Variants in MBTPS2 observed in about 807,000 individuals in gnomAD.
The protein encoded by MBTPS2 is membrane-bound transcription factor site-2 protease.
In MBTPS2, 2 loss-of-function variants were observed where a neutral mutation model predicts 35.4. The ratio of observed to expected loss-of-function variants is 0.06; its 90% CI spans 0.02 to 0.18. MBTPS2 has a LOEUF of 0.18. Ranked by LOEUF, MBTPS2 falls within the 10% of genes least tolerant of loss-of-function variation. MBTPS2 has a pLI of 1.00. For missense variants in MBTPS2, 244 were observed against 386.5 expected, an observed-to-expected ratio of 0.63 and a Z score of 3.09; for synonymous variants, 125 against 140.4, an observed-to-expected ratio of 0.89 and a Z score of 0.77.
chrX:21,842,890 C>T (rs903814697), intron 1 of MBTPS2, among the ~76,000 whole-genome samples: 2 of 111,589 alleles, frequency 1.8e-5, no homozygotes, highest in African/African-American at 3.3e-5. Context: ...TTTATAATCC[C>T]TTAAAAATGT....
intron 5 of MBTPS2, chrX:21,857,274 A>G (rs369808230): frequency 1.7e-6 from 2 of 1,211,483 alleles, no homozygotes; most frequent in Non-Finnish European, 2.2e-6. Flanking sequence ...CTGCGAAAAG[A>G]TGTTCCGGGA....
intron 5 of MBTPS2, chrX:21,856,205 C>G (rs975461440): frequency 3.4e-5 from 11 of 321,830 alleles, no homozygotes; most frequent in Non-Finnish European, 3.8e-5. Flanking sequence ...CCGACAGACG[C>G]GCCAGTTGCC....
chrX:21,845,589 G>A (rs2092907854), intron 3 of MBTPS2, among the ~76,000 whole-genome samples: 1 of 111,968 alleles, frequency 8.9e-6, no homozygotes, highest in Non-Finnish European at 1.9e-5. Context: ...TAATATTAAT[G>A]GTAAAAGAGA....
At chrX:21,848,682 A>C in intron 3 of MBTPS2, among the ~76,000 whole-genome samples, 1 of 111,079 alleles carries the variant, frequency 9.0e-6, no homozygotes, top group Non-Finnish European at 1.9e-5. Flanking sequence ...TCGTCTCAAA[A>C]AAATATATAA....
At chrX:21,859,762 C>T (rs746174898) in intron 5 of MBTPS2, among the ~76,000 whole-genome samples, 503 of 111,355 alleles carry the variant, frequency 4.5e-3, no homozygotes, top group Non-Finnish European at 7.0e-3. Context: ...TCCTACAATG[C>T]GCAGACAGCC....
chrX:21,863,505 T>C (rs2092935776), intron 5 of MBTPS2, among the ~76,000 whole-genome samples: 1 of 110,786 alleles, frequency 9.0e-6, no homozygotes, highest in Admixed American at 9.7e-5. Flanking sequence ...GAAAGATGAC[T>C]TTTTATTACT....
intron 5 of MBTPS2, among the ~76,000 whole-genome samples, chrX:21,862,889 CAT>C (rs1183959996): frequency 8.5e-4 from 59 of 69,401 alleles, no homozygotes; most frequent in African/African-American, 1.3e-3. Flanking sequence ...TATATATACA[CAT>C]ATATATAAAC....
chrX:21,885,080 T>TA lies in MBTPS2; in HGVS notation c.*2427dup, dbSNP rs2092963255. On this transcript the variant is annotated 3_prime_UTR_variant, in exon 11 of 11. Transcript: ENST00000379484. ...TGTTTACATTTTTGACAGTTTTTTT[T>TA]AATCACCTACAATCTGTAAAGAATG... is the stretch of plus-strand genomic sequence containing the variant. 6.7e-6 allele frequency: 5 copies of TA among 748,397 alleles called. No individual in the cohort carries two copies. The South Asian group carries it at 3.4e-4, about 51-fold the overall frequency. 61.7% of individuals were successfully genotyped at this position (748,397 alleles called of 1,213,427 possible).
chrX:21,856,861 C>T (rs767326908), intron 5 of MBTPS2: 4 of 1,211,316 alleles, frequency 3.3e-6, no homozygotes, highest in Non-Finnish European at 4.5e-6. Context: ...CTGTCGGCCT[C>T]GGCGGCATCA....
At chrX:21,843,671 C>CA (rs2092905241) in intron 2 of MBTPS2, among the ~76,000 whole-genome samples, 1 of 111,197 alleles carries the variant, frequency 9.0e-6, no homozygotes. Flanking sequence ...TAAATGTAAA[C>CA]AATCAGATCA....
At chrX:21,847,256 C>G (rs1049414260) in intron 3 of MBTPS2, among the ~76,000 whole-genome samples, 1 of 111,932 alleles carries the variant, frequency 8.9e-6, no homozygotes, top group Non-Finnish European at 1.9e-5. Flanking sequence ...ACAAAAATGT[C>G]AGCTCTATTA....
intron 5 of MBTPS2, chrX:21,856,169 G>C: frequency 7.3e-6 from 2 of 273,340 alleles, no homozygotes; most frequent in Non-Finnish European, 1.3e-5. Context: ...GCAAACGTAC[G>C]CGGGCACGTG....
Position 21,849,548 on chromosome X carries a change from T to C in MBTPS2, c.439-1961T>C, listed in dbSNP as rs1250215145. On this transcript the variant is annotated intron_variant, in intron 3 of 10. Transcript: ENST00000379484. ...GTATCAAAATCTTTTAAATTTTGTG[T>C]AATAATAGCATTTACTACCCTCTCT... Among the ~76,000 whole-genome samples, 3 of 111,727 alleles carry C rather than the reference T, an allele frequency of 2.7e-5. No homozygotes were observed. The East Asian group carries it at 8.4e-4, about 31-fold the overall frequency.
chrX:21,875,239 T>C (rs1245484873), intron 7 of MBTPS2, among the ~76,000 whole-genome samples: 2 of 112,169 alleles, frequency 1.8e-5, no homozygotes, highest in East Asian at 5.6e-4. Context: ...TGTTTTTAAA[T>C]TTTTAATTGG....
chrX:21,856,359 G>A (rs2013170), intron 5 of MBTPS2: 1 of 517,689 alleles, frequency 1.9e-6, no homozygotes, highest in Non-Finnish European at 2.7e-6. Context: ...TGCAGCTCGC[G>A]CCTTTCTCTG....
At chrX:21,847,061 G>C (rs777629757) in intron 3 of MBTPS2, among the ~76,000 whole-genome samples, 17 of 111,921 alleles carry the variant, frequency 1.5e-4, no homozygotes, top group Non-Finnish European at 3.0e-4. Context: ...AGAAGGAAAA[G>C]TTTAGGATGA....
At chrX:21,880,811 C>T in intron 9 of MBTPS2, 86 bp from the exon 10 acceptor site, 1 of 667,571 alleles carries the variant, frequency 1.5e-6, no homozygotes, top group Non-Finnish European at 2.4e-6. Flanking sequence ...TCTGCTAGCC[C>T]AATTTTTAAC....
intron 5 of MBTPS2, among the ~76,000 whole-genome samples, chrX:21,861,320 TA>T (rs2092931107): frequency 8.9e-6 from 1 of 111,877 alleles, no homozygotes; most frequent in African/African-American, 3.2e-5. Flanking sequence ...TTTCCATTTC[TA>T]GGTAATTTTT....
intron 3 of MBTPS2, among the ~76,000 whole-genome samples, chrX:21,850,402 GTGTA>G (rs1019176229): frequency 1.9e-4 from 21 of 111,481 alleles, no homozygotes; most frequent in African/African-American, 6.8e-4. Context: ...GGTTTTATAT[GTGTA>G]TGTATGTTTG....
Sources: allele counts gnomAD v4.1 joint callset (sites outside exome capture counted in the v4.1 genomes callset), GRCh38; gene constraint gnomAD v4.1.1; transcripts MANE v1.5; gene names NCBI Gene and HGNC (gene_info 2026-07-23, HGNC 2026-07-21).